The following MOXD1 variants were observed in gnomAD, a reference collection of about 807,000 sequenced individuals.
MOXD1 encodes monooxygenase DBH like 1, also known as DBH-like monooxygenase protein 1.
In MOXD1, 62 loss-of-function variants were observed where a neutral mutation model predicts 66.6. The ratio of observed to expected loss-of-function variants is 0.93; its 90% confidence interval spans 0.76 to 1.15. MOXD1 has a LOEUF of 1.15. Ranked by LOEUF, MOXD1 falls within the 50% of genes most tolerant of loss-of-function variation. The pLI is 0.00. For synonymous variants in MOXD1, 303 were observed against 281.9 expected (o/e 1.07, Z -0.75); for missense variants, 847 against 754.6 (o/e 1.12, Z -1.44).
At chr6:132,346,417 G>A (rs1229813454) in intron 4 of MOXD1, among the ~76,000 whole-genome samples, 1 of 151,916 alleles carries the variant, frequency 6.6e-6, no homozygotes, top group East Asian at 1.9e-4. Context: ...TGTAATAAAT[G>A]GCCCATCTTT....
intron 4 of MOXD1, among the ~76,000 whole-genome samples, chr6:132,330,955 A>C (rs1342458277): frequency 6.6e-6 from 1 of 152,116 alleles, no homozygotes; most frequent in Non-Finnish European, 1.5e-5. Flanking sequence ...TTTCAACATC[A>C]CATTCATGGA....
rs191632533 is a variant in MOXD1 at position 132,387,344 on chromosome 6, G to A, written c.265-12567C>T. 2.0e-4 allele frequency among the ~76,000 whole-genome samples: 30 copies of A among 151,456 alleles called. 1 individual carries two copies. The highest frequency in any genetic ancestry group is 1.6e-3 in the Admixed American group (24 of 15,134). On this transcript the variant is annotated intron_variant, in intron 1 of 11. Coordinates refer to ENST00000367963, the MANE Select transcript of MOXD1 (RefSeq NM_015529.4). ...GCACAGATCATTTTTTAACAGAGTT[G>A]TTGAACTTTACTTGTATTCCCAATG...
intron 6 of MOXD1, chr6:132,325,167 C>T (rs1775161586): frequency 6.6e-6 from 1 of 152,042 alleles, no homozygotes; most frequent in Admixed American, 6.6e-5. Flanking sequence ...AAAATATTTG[C>T]TATGTGTTTG....
At chr6:132,302,125 A>C (rs568888967) in intron 10 of MOXD1, among the ~76,000 whole-genome samples, 4 of 152,258 alleles carry the variant, frequency 2.6e-5, no homozygotes, top group South Asian at 4.1e-4. Context: ...TAAAATCCAC[A>C]AGACTGGGCA....
At chr6:132,373,741 A>G (rs1208519193) in intron 2 of MOXD1, among the ~76,000 whole-genome samples, 2 of 152,234 alleles carry the variant, frequency 1.3e-5, no homozygotes, top group Non-Finnish European at 2.9e-5. Context: ...TCACAGATAA[A>G]GGTGTTTTTG....
At position 132,378,653 on chromosome 6, in the gene MOXD1, A is replaced by C. The variant is rs1034454397; in HGVS notation, c.265-3876T>G. ...TTGAAGCCAAATAATTGGATCCTTTAGATGAGAAACAAAGTCCTTACAAGA... is the reference window on the plus strand; with the variant it reads ...TTGAAGCCAAATAATTGGATCCTTTCGATGAGAAACAAAGTCCTTACAAGA... On this transcript the variant is annotated intron_variant, in intron 1 of 11. Transcript: ENST00000367963. Among the ~76,000 whole-genome samples the C allele has an allele frequency of 6.6e-5, 10 of 152,268 alleles. No individual in the cohort carries two copies. The East Asian group carries it at 1.5e-3, about 23-fold the overall frequency.
chr6:132,324,033 C>T lies in MOXD1; in HGVS notation c.1011G>A (p.Gly337=). 2 of 1,613,900 alleles carry T rather than the reference C, an allele frequency of 1.2e-6. No individual in the cohort carries two copies. The highest frequency in any genetic ancestry group is 1.7e-6 in the Non-Finnish European group (2 of 1,179,862). The part of the protein sequence containing the change: ...YTMDIRKYDA[G]VIEAGLWVSL... ...TCACCCAGAGGCCAGCCTCAATCACCCCAGCATCATATTTCCTTATATCCA... is the reference window on the plus strand; with the variant it reads ...TCACCCAGAGGCCAGCCTCAATCACTCCAGCATCATATTTCCTTATATCCA... Residue 337 remains glycine, a synonymous_variant, in exon 7 of 12, where the codon GGG becomes GGA. Transcript: ENST00000367963.
At chr6:132,392,261 C>A in intron 1 of MOXD1, 1 of 1,603,898 alleles carries the variant, frequency 6.2e-7, no homozygotes, top group Non-Finnish European at 8.5e-7. Context: ...GAAGACACTT[C>A]GCATCACAGG....
At chr6:132,297,373 G>A (rs976565054) in intron 11 of MOXD1, 56 bp from the exon 12 acceptor site, 15 of 1,564,352 alleles carry the variant, frequency 9.6e-6, no homozygotes, top group African/African-American at 1.4e-5. Context: ...GCAGCACAGT[G>A]ACCAGGCCGC....
rs1392070505 is a variant in MOXD1, at chr6:132,304,112, T to C, written c.1509-6157A>G. 3.3e-5 allele frequency among the ~76,000 whole-genome samples: 5 copies of C among 151,368 alleles called. No individual in the cohort carries two copies. In the East Asian group the frequency reaches 9.7e-4, roughly 29 times the overall value. On this transcript the variant is annotated intron_variant, in intron 10 of 11. Coordinates refer to ENST00000367963, the MANE Select transcript of MOXD1 (RefSeq NM_015529.4). ...TGTTGAAATCTCATCTCCACTGCAGTGTATTAAGAGGTGGGGCCTTGAGGA... is the reference window on the plus strand; with the variant it reads ...TGTTGAAATCTCATCTCCACTGCAGCGTATTAAGAGGTGGGGCCTTGAGGA...
chr6:132,306,828 T>C (rs1401879517), intron 10 of MOXD1, among the ~76,000 whole-genome samples: 2 of 152,172 alleles, frequency 1.3e-5, no homozygotes, highest in African/African-American at 4.8e-5. Flanking sequence ...ATTTTGATAC[T>C]ACCAGGCCTG....
intron 1 of MOXD1, among the ~76,000 whole-genome samples, chr6:132,397,139 G>A (rs1776900754): frequency 6.6e-6 from 1 of 152,182 alleles, no homozygotes; most frequent in South Asian, 2.1e-4. Flanking sequence ...CACAGCACCA[G>A]GCAAGGTCCC....
intron 4 of MOXD1, among the ~76,000 whole-genome samples, chr6:132,368,150 C>G (rs1041940733): frequency 6.6e-6 from 1 of 152,006 alleles, no homozygotes; most frequent in Non-Finnish European, 1.5e-5. Flanking sequence ...TTCAATAACC[C>G]CCATTTCTAG....
chr6:132,374,503 A>G, intron 2 of MOXD1, 128 bp downstream of exon 2: 1 of 1,034,018 alleles, frequency 9.7e-7, no homozygotes, highest in Non-Finnish European at 1.3e-6. Flanking sequence ...AAAACTAAAA[A>G]AAATCAAAAA....
chr6:132,386,963 G>A (rs951384790), intron 1 of MOXD1, among the ~76,000 whole-genome samples: 3 of 151,262 alleles, frequency 2.0e-5, no homozygotes, highest in Non-Finnish European at 4.4e-5. Flanking sequence ...CAACGCCAAA[G>A]ACAATGATCA....
At chr6:132,360,416 T>C (rs1056151970) in intron 4 of MOXD1, among the ~76,000 whole-genome samples, 1 of 152,174 alleles carries the variant, frequency 6.6e-6, no homozygotes, top group Admixed American at 6.5e-5. Context: ...TAAATGTTGG[T>C]TCTTATCATC....
chr6:132,312,031 C>T (rs1024497038), intron 10 of MOXD1, among the ~76,000 whole-genome samples: 2 of 152,042 alleles, frequency 1.3e-5, no homozygotes, highest in African/African-American at 2.4e-5. Flanking sequence ...ACCAGACCTG[C>T]ATATTCAGTC....
In MOXD1 at chr6:132,376,261, T is replaced by C. The variant is rs563982269; in HGVS notation, c.265-1484A>G. Among the ~76,000 whole-genome samples the C allele has an allele frequency of 9.3e-4, 142 of 152,344 alleles. 2 individuals are homozygous for C. In the South Asian group the frequency reaches 0.028, roughly 30 times the overall value. On this transcript the variant is annotated intron_variant, in intron 1 of 11. Coordinates refer to ENST00000367963, the MANE Select transcript of MOXD1 (RefSeq NM_015529.4). ...TGTATTTGAAGAATTTATAGCTATG[T>C]TTGACTGAGAAAATGTAATATATAA...
intron 4 of MOXD1, among the ~76,000 whole-genome samples, chr6:132,335,201 G>GA (rs60909726): frequency 1.3e-3 from 187 of 144,894 alleles, no homozygotes; most frequent in Middle Eastern, 0.011. Flanking sequence ...CCGAGTATTG[G>GA]AAAAAAAAAA....
Sources: gnomAD v4.1 joint callset for allele counts (sites outside exome capture counted in the v4.1 genomes callset) on GRCh38, gnomAD v4.1.1 for gene constraint, MANE v1.5 for transcripts, NCBI Gene and HGNC (gene_info 2026-07-23, HGNC 2026-07-21) for gene names.